The following DUSP22 variants were observed in gnomAD, a reference collection of about 807,000 sequenced individuals.
DUSP22 encodes dual specificity phosphatase 22, also known as dual specificity protein phosphatase 22.
Under a neutral mutation model 24.5 loss-of-function variants are expected in DUSP22, and 24 were observed. That is an observed-to-expected ratio of 0.98 (90% CI 0.71 to 1.38). DUSP22 has a LOEUF of 1.38. DUSP22 is among the 40% of genes most tolerant of loss of function. DUSP22 has a pLI of 0.00. For synonymous variants in DUSP22, 160 were observed against 106.4 expected (o/e 1.50, Z -3.10); for missense variants, 330 against 269.2 (o/e 1.23, Z -1.58).
intron 2 of DUSP22, among the ~76,000 whole-genome samples, chr6:311,184 G>A (rs1196335181): frequency 2.0e-5 from 3 of 152,084 alleles, no homozygotes; most frequent in African/African-American, 4.8e-5. Flanking sequence ...ATGATGTATG[G>A]CATTTTATGT....
chr6:311,932 T>C lies in DUSP22; in HGVS notation c.108T>C (p.Ser36=). 6.2e-7 allele frequency: 1 copy of C among 1,612,896 alleles called. No homozygotes were observed. Residue 36 remains serine, a synonymous_variant, in exon 3 of 7, where the codon TCT becomes TCC. Coordinates refer to ENST00000419235, the MANE Select transcript of DUSP22 (RefSeq NM_001286555.3). ...LSKNKVTHIL[S]VHDSARPMLE... ...AGAACAAGGTGACACATATTCTGTC[T>C]GTCCACGATAGTGCCAGGCCTATGT...
chr6:321,585 C>T, intron 3 of DUSP22, among the ~76,000 whole-genome samples: 1 of 152,244 alleles, frequency 6.6e-6, no homozygotes, highest in South Asian at 2.1e-4. Context: ...AGTGACATAA[C>T]AAAGTTGAAA....
intron 3 of DUSP22, among the ~76,000 whole-genome samples, chr6:318,946 ATACCCATCATATAATCACATT>A (rs1758455684): frequency 6.6e-6 from 1 of 152,312 alleles, no homozygotes; most frequent in Non-Finnish European, 1.5e-5. Flanking sequence ...TTATAGGATG[ATACCCATCATATAATCACATT>A]TATGTAAAGT....
intron 5 of DUSP22, among the ~76,000 whole-genome samples, chr6:346,429 G>GACACACACACACACACAC: frequency 6.6e-6 from 1 of 151,312 alleles, no homozygotes; most frequent in Admixed American, 6.6e-5. Flanking sequence ...ATTTTGTGTA[G>GACACACACACACACACAC]ACACACACAC....
intron 4 of DUSP22, among the ~76,000 whole-genome samples, chr6:340,179 A>G (rs1759542936): frequency 6.6e-6 from 1 of 152,312 alleles, no homozygotes; most frequent in Admixed American, 6.5e-5. Flanking sequence ...AAAGTACAAT[A>G]TATGCATCCC....
intron 3 of DUSP22, among the ~76,000 whole-genome samples, chr6:317,733 G>A (rs1482947326): frequency 6.6e-6 from 1 of 152,306 alleles, no homozygotes; most frequent in African/African-American, 2.4e-5. Context: ...CAGCTGCCGT[G>A]CTGGGGTTTC....
At chr6:298,389 C>T (rs891204719) in intron 1 of DUSP22, among the ~76,000 whole-genome samples, 2 of 152,306 alleles carry the variant, frequency 1.3e-5, no homozygotes, top group African/African-American at 4.8e-5. Flanking sequence ...TCCGCTGCCA[C>T]CCCCACCCCA....
At chr6:318,968 T>C (rs950601978) in intron 3 of DUSP22, among the ~76,000 whole-genome samples, 1 of 152,306 alleles carries the variant, frequency 6.6e-6, no homozygotes, top group Non-Finnish European at 1.5e-5. Context: ...TAATCACATT[T>C]ATGTAAAGTT....
chr6:340,294 A>C (rs954629326), intron 4 of DUSP22, among the ~76,000 whole-genome samples: 2 of 152,308 alleles, frequency 1.3e-5, no homozygotes, highest in Non-Finnish European at 2.9e-5. Flanking sequence ...CTGATAGGGC[A>C]GCTCCACCAT....
At chr6:343,572 A>C (rs974349038) in intron 4 of DUSP22, among the ~76,000 whole-genome samples, 1 of 138,734 alleles carries the variant, frequency 7.2e-6, no homozygotes, top group African/African-American at 2.8e-5. Flanking sequence ...TGCTAGTTAG[A>C]GATGTCAGGT....
chr6:333,075 C>A (rs1056103023), intron 3 of DUSP22, among the ~76,000 whole-genome samples: 2 of 152,422 alleles, frequency 1.3e-5, no homozygotes, highest in African/African-American at 2.4e-5. Context: ...ATAATACTTC[C>A]TTTTCCGTTT....
Position 348,897 on chromosome 6 carries a change from C to A in DUSP22, c.564C>A (p.Ser188Arg). The A allele has an allele frequency of 6.2e-7, 1 of 1,613,974 alleles. No individual in the cohort carries two copies. The highest frequency in any genetic ancestry group is 8.5e-7 in the Non-Finnish European group (1 of 1,179,874). The change falls in exon 7 of 7, where the codon AGC (serine) becomes AGA (arginine). Residue 188 changes from serine (S) to arginine (R), a missense_variant. Coordinates refer to ENST00000419235, the MANE Select transcript of DUSP22 (RefSeq NM_001286555.3). ...TEPQPGARRW[S>R]SFPALAPLTY... ...CCCAGCCCGGCGCCAGGCGGTGGAG[C>A]AGTTTTCCGGCACTGGCTCCGCTGA... is the stretch of plus-strand genomic sequence containing the variant.
intron 4 of DUSP22, among the ~76,000 whole-genome samples, chr6:336,879 C>G (rs886591402): frequency 6.6e-6 from 1 of 152,306 alleles, no homozygotes; most frequent in Non-Finnish European, 1.5e-5. Flanking sequence ...CACTGCCTTT[C>G]TCTGAAGACC....
intron 6 of DUSP22, 176 bp downstream of exon 6, chr6:348,450 C>A: frequency 9.1e-7 from 1 of 1,098,040 alleles, no homozygotes; most frequent in Non-Finnish European, 1.3e-6. Flanking sequence ...CCTCGTGCAC[C>A]TGTTGAAGCC....
chr6:348,371 T>G (rs1245324569), intron 6 of DUSP22, 97 bp downstream of exon 6: 2 of 1,563,042 alleles, frequency 1.3e-6, no homozygotes, highest in East Asian at 2.3e-5. Context: ...GCGTTTGGAG[T>G]TGAAAGGCCC....
chr6:311,515 C>T (rs1581156225), intron 2 of DUSP22, among the ~76,000 whole-genome samples: 2 of 152,288 alleles, frequency 1.3e-5, no homozygotes, highest in South Asian at 4.1e-4. Context: ...CCCGTCTCTC[C>T]TAAAAATACA....
At chr6:344,868 G>A (rs1208808513) in intron 4 of DUSP22, among the ~76,000 whole-genome samples, 4 of 152,296 alleles carry the variant, frequency 2.6e-5, no homozygotes, top group Non-Finnish European at 4.4e-5. Flanking sequence ...GACTTGGAAA[G>A]CCCACACGAC....
At chr6:328,240 T>G (rs368501778) in intron 3 of DUSP22, among the ~76,000 whole-genome samples, 1 of 152,306 alleles carries the variant, frequency 6.6e-6, no homozygotes, top group Non-Finnish European at 1.5e-5. Context: ...GAGTCACAAT[T>G]GTGTACATCA....
At chr6:316,200 G>A (rs1050519900) in intron 3 of DUSP22, among the ~76,000 whole-genome samples, 1 of 152,308 alleles carries the variant, frequency 6.6e-6, no homozygotes, top group Non-Finnish European at 1.5e-5. Context: ...TCAGCAAGTG[G>A]CAGGGCCAGG....
Sources: gnomAD v4.1 joint callset for allele counts (sites outside exome capture counted in the v4.1 genomes callset) on GRCh38, gnomAD v4.1.1 for gene constraint, MANE v1.5 for transcripts, NCBI Gene and HGNC (gene_info 2026-07-23, HGNC 2026-07-21) for gene names.